Variants in SYN3 observed in about 807,000 individuals in gnomAD.
The protein encoded by SYN3 is synapsin-3.
SYN3 carries 35 observed loss-of-function variants against 65.8 expected under a neutral mutation model. That is an observed-to-expected ratio of 0.53 (90% CI 0.41 to 0.70). The LOEUF (loss-of-function observed/expected upper bound fraction) is 0.70. SYN3 is among the 30% of genes least tolerant of loss of function. The pLI is 0.00. For missense variants in SYN3, 680 were observed against 749.0 expected, an observed-to-expected ratio of 0.91 and a Z score of 1.08; for synonymous variants, 270 against 292.9, an observed-to-expected ratio of 0.92 and a Z score of 0.80.
chr22:32,636,746 G>A (rs2059822780), intron 6 of SYN3, among the ~76,000 whole-genome samples: 1 of 152,168 alleles, frequency 6.6e-6, no homozygotes. Context: ...GCTCTCTAAA[G>A]CAGTGTCAGG....
intron 3 of SYN3, among the ~76,000 whole-genome samples, chr22:32,975,830 A>C (rs1427954666): frequency 2.0e-5 from 3 of 152,248 alleles, no homozygotes; most frequent in African/African-American, 7.2e-5. Context: ...TATTTCTATC[A>C]AGTAATCATT....
chr22:32,767,346 C>T (rs926428777), intron 6 of SYN3, among the ~76,000 whole-genome samples: 1 of 151,998 alleles, frequency 6.6e-6, no homozygotes, highest in African/African-American at 2.4e-5. Flanking sequence ...GCTCCCACTA[C>T]TTTCCTAGGA....
At chr22:32,636,224 A>C (rs1601809812) in intron 6 of SYN3, among the ~76,000 whole-genome samples, 1 of 150,532 alleles carries the variant, frequency 6.6e-6, no homozygotes, top group East Asian at 2.0e-4. Flanking sequence ...ACACAGTGAA[A>C]CCCCGTCTCT....
chr22:32,823,340 T>C (rs1161569604), intron 6 of SYN3, among the ~76,000 whole-genome samples: 1 of 152,130 alleles, frequency 6.6e-6, no homozygotes, highest in Non-Finnish European at 1.5e-5. Context: ...CCACAGAGAA[T>C]GCCGCAAGGG....
intron 6 of SYN3, among the ~76,000 whole-genome samples, chr22:32,835,693 G>T (rs1043816469): frequency 7.2e-5 from 11 of 152,148 alleles, no homozygotes; most frequent in Admixed American, 7.2e-4. Context: ...ATACTCTTTG[G>T]TCCAAAGGGC....
intron 6 of SYN3, among the ~76,000 whole-genome samples, chr22:32,828,275 G>A (rs1397054428): frequency 6.6e-6 from 1 of 152,210 alleles, no homozygotes; most frequent in African/African-American, 2.4e-5. Context: ...TCAAGTGGGG[G>A]AAACTCAAGA....
chr22:32,706,509 A>T (rs891491968), intron 6 of SYN3, among the ~76,000 whole-genome samples: 5 of 152,246 alleles, frequency 3.3e-5, no homozygotes, highest in Admixed American at 6.5e-5. Context: ...TTACACATCT[A>T]TAAAAGCCGA....
rs927823627 is a variant in SYN3, at chr22:32,765,729, G to T, written c.711+99186C>A. Among the ~76,000 whole-genome samples the T allele has an allele frequency of 2.0e-4, 30 of 152,238 alleles. No homozygotes were observed. In the South Asian group the frequency reaches 2.7e-3, roughly 14 times the overall value. On this transcript the variant is annotated intron_variant, in intron 6 of 13. Coordinates refer to ENST00000358763, the MANE Select transcript of SYN3 (RefSeq NM_003490.4). Reference sequence around the variant, plus strand: ...GAGAAGGGGAGGAGGAAGGCTGGGGGACTGTGCACCCCTTTGCACAGAGAC... The same window carrying T: ...GAGAAGGGGAGGAGGAAGGCTGGGGTACTGTGCACCCCTTTGCACAGAGAC...
chr22:32,972,951 G>A (rs1207987736), intron 3 of SYN3, among the ~76,000 whole-genome samples: 1 of 152,176 alleles, frequency 6.6e-6, no homozygotes, highest in African/African-American at 2.4e-5. Flanking sequence ...TGAGGCTACA[G>A]TGAACCATGA....
intron 2 of SYN3, among the ~76,000 whole-genome samples, chr22:32,990,725 G>T (rs2052688881): frequency 1.3e-5 from 2 of 152,146 alleles, no homozygotes; most frequent in Admixed American, 6.6e-5. Context: ...CCACAGTCTT[G>T]TTTTGTTGCA....
intron 2 of SYN3, among the ~76,000 whole-genome samples, chr22:32,997,461 C>T (rs537235900): frequency 9.2e-5 from 14 of 152,270 alleles, no homozygotes; most frequent in Middle Eastern, 3.4e-3. Context: ...ATTCCTTTTA[C>T]GACATGAGTC....
chr22:32,831,515 G>A (rs999866748), intron 6 of SYN3, among the ~76,000 whole-genome samples: 7 of 152,114 alleles, frequency 4.6e-5, no homozygotes, highest in Non-Finnish European at 8.8e-5. Flanking sequence ...TCGGAGTTGG[G>A]GGGCAGTAAA....
At chr22:32,938,391 G>A (rs370667278) in intron 3 of SYN3, among the ~76,000 whole-genome samples, 15 of 151,840 alleles carry the variant, frequency 9.9e-5, no homozygotes, top group South Asian at 2.1e-4. Flanking sequence ...TTAGCCAGGC[G>A]TGGTGGCGGG....
chr22:32,926,921 C>G (rs1307437861), intron 4 of SYN3, among the ~76,000 whole-genome samples: 1 of 152,148 alleles, frequency 6.6e-6, no homozygotes, highest in Non-Finnish European at 1.5e-5. Flanking sequence ...TGGGGTTCCA[C>G]TACTACTTCT....
intron 7 of SYN3, among the ~76,000 whole-genome samples, chr22:32,549,472 T>TA (rs1308528554): frequency 6.6e-6 from 1 of 152,068 alleles, no homozygotes; most frequent in Non-Finnish European, 1.5e-5. Flanking sequence ...AGGCTGGTCT[T>TA]AAACTGCTGG....
At chr22:32,640,447 C>T (rs149927493) in intron 6 of SYN3, among the ~76,000 whole-genome samples, 90 of 152,286 alleles carry the variant, frequency 5.9e-4, no homozygotes, top group African/African-American at 1.5e-3. Context: ...CCTAGGCCAG[C>T]GGTTTTTAAA....
intron 6 of SYN3, among the ~76,000 whole-genome samples, chr22:32,851,204 A>G (rs111912031): frequency 2.4e-4 from 36 of 152,276 alleles, no homozygotes; most frequent in African/African-American, 7.2e-4. Context: ...ATATTAGACC[A>G]AAGCAGAGGT....
chr22:32,628,641 C>T (rs1384264405), intron 6 of SYN3, among the ~76,000 whole-genome samples: 2 of 151,916 alleles, frequency 1.3e-5, no homozygotes, highest in East Asian at 1.9e-4. Context: ...CCAGCTACTC[C>T]GGAGGCTGAG....
At chr22:33,030,716 G>C (rs1186362737) in intron 1 of SYN3, among the ~76,000 whole-genome samples, 3 of 151,928 alleles carry the variant, frequency 2.0e-5, no homozygotes, top group Non-Finnish European at 4.4e-5. Flanking sequence ...GAGACCCACA[G>C]AGAAACAGAT....
Sources: gnomAD v4.1 joint callset for allele counts (sites outside exome capture counted in the v4.1 genomes callset) on GRCh38, gnomAD v4.1.1 for gene constraint, MANE v1.5 for transcripts, NCBI Gene and HGNC (gene_info 2026-07-23, HGNC 2026-07-21) for gene names.